The following NRG2 variants were observed in gnomAD, a reference collection of about 807,000 sequenced individuals.
NRG2 encodes the protein neuregulin 2, also known as pro-neuregulin-2, membrane-bound isoform.
Under a neutral mutation model 73.9 loss-of-function variants are expected in NRG2, and 27 were observed. The ratio of observed to expected loss-of-function variants is 0.37; its 90% CI spans 0.27 to 0.50. The LOEUF is 0.50. Among genes scored for constraint, NRG2 ranks in the 20% least tolerant of loss-of-function variants. The probability of loss-of-function intolerance (pLI) is 0.96; values close to 1 mark genes in which losing one functional copy is unlikely to be tolerated. For synonymous variants in NRG2, 532 were observed against 541.0 expected, an observed-to-expected ratio of 0.98 and a Z score of 0.23; for missense variants, 1,126 against 1,210.1, an observed-to-expected ratio of 0.93 and a Z score of 1.03.
At position 139,983,214 on chromosome 5, in the gene NRG2, C is replaced by T. The variant is rs143053528; in HGVS notation, c.700+59156G>A. On this transcript the variant is annotated intron_variant, in intron 1 of 9. Coordinates refer to ENST00000361474, the MANE Select transcript of NRG2 (RefSeq NM_004883.3). The stretch of plus-strand genomic sequence containing the variant: ...TTCCTCATTTCCACAGAGCAGGATC[C>T]AGCCTATCTGAAGATTTGGAGGAGA... 6.6e-5 allele frequency among the ~76,000 whole-genome samples: 10 copies of T among 152,298 alleles called. No homozygotes were observed. In the East Asian group the frequency reaches 1.9e-3, roughly 29 times the overall value.
At chr5:139,879,113 T>C (rs1561649019) in intron 3 of NRG2, among the ~76,000 whole-genome samples, 2 of 152,218 alleles carry the variant, frequency 1.3e-5, no homozygotes, top group African/African-American at 4.8e-5. Context: ...TTATAAAATA[T>C]ATCCTGGCTT....
intron 1 of NRG2, among the ~76,000 whole-genome samples, chr5:139,989,870 G>A (rs1459879545): frequency 3.3e-5 from 5 of 150,164 alleles, no homozygotes; most frequent in Non-Finnish European, 7.4e-5. Flanking sequence ...CTCACTGCAA[G>A]CTCCGCCTCC....
intron 1 of NRG2, among the ~76,000 whole-genome samples, chr5:140,016,742 G>A (rs546850417): frequency 3.4e-4 from 52 of 152,354 alleles, no homozygotes; most frequent in Admixed American, 1.3e-3. Context: ...AGCTGAGCTC[G>A]GAAGGGCAGA....
At chr5:139,916,465 A>G (rs537712111) in intron 1 of NRG2, among the ~76,000 whole-genome samples, 12 of 152,366 alleles carry the variant, frequency 7.9e-5, no homozygotes, top group Non-Finnish European at 8.8e-5. Context: ...GTCTATTCAC[A>G]GAACTGTGCA....
chr5:139,989,798 A>AT (rs968752459), intron 1 of NRG2, among the ~76,000 whole-genome samples: 10 of 146,316 alleles, frequency 6.8e-5, no homozygotes, highest in South Asian at 2.1e-4. Flanking sequence ...TTATTTTTTT[A>AT]TTTTTTTTTG....
chr5:139,949,394 A>C (rs1333499558), intron 1 of NRG2, among the ~76,000 whole-genome samples: 2 of 152,214 alleles, frequency 1.3e-5, no homozygotes, highest in East Asian at 1.9e-4. Flanking sequence ...ATTTTTACTG[A>C]AGAACAGATG....
intron 1 of NRG2, among the ~76,000 whole-genome samples, chr5:139,896,487 A>ATGTGGTCCT (rs775409554): frequency 2.6e-5 from 4 of 152,142 alleles, no homozygotes; most frequent in Non-Finnish European, 5.9e-5. Flanking sequence ...GAGGGCTGAA[A>ATGTGGTCCT]TGTGGTCCTT....
chr5:139,918,785 G>A (rs1751452733), intron 1 of NRG2, among the ~76,000 whole-genome samples: 1 of 152,134 alleles, frequency 6.6e-6, no homozygotes, highest in African/African-American at 2.4e-5. Context: ...TCACTGCTGA[G>A]GGATATCAAT....
rs1005598899 is a variant in NRG2 at position 139,894,003 on chromosome 5, C to T, written c.701-6492G>A. On this transcript the variant is annotated intron_variant, in intron 1 of 9. Coordinates refer to ENST00000361474, the MANE Select transcript of NRG2 (RefSeq NM_004883.3). The surrounding 1 kb of genome is among the most constrained non-coding windows in gnomAD (Gnocchi z 5.0). ...CCAGGAAGCTCCTCATTAAAGATAG[C>T]GACAACAGCAACAACAACCAGGACT... is the stretch of plus-strand genomic sequence containing the variant. Among the ~76,000 whole-genome samples, 6 of 152,166 alleles carry T rather than the reference C, an allele frequency of 3.9e-5. No individual in the cohort carries two copies. Among genetic ancestry groups the T allele is most frequent in the African/African-American group, 9.7e-5 (4 of 41,444 alleles).
In NRG2 at chr5:139,939,244, CT is replaced by C. The variant is rs1561694668; in HGVS notation, c.701-51734del. On this transcript the variant is annotated intron_variant, in intron 1 of 9. Coordinates refer to ENST00000361474, the MANE Select transcript of NRG2 (RefSeq NM_004883.3). ...CCTTCCTTCCTTCCTTCCTTCCTTCCTTTCTTTCTTTCTTTCTTTTTCTTTC... is the reference window on the plus strand; with the variant it reads ...CCTTCCTTCCTTCCTTCCTTCCTTCCTTCTTTCTTTCTTTCTTTTTCTTTC... 2.7e-3 allele frequency among the ~76,000 whole-genome samples: 365 copies of C among 135,738 alleles called. 2 individuals are homozygous for C. The highest frequency in any genetic ancestry group is 0.01 in the African/African-American group (322 of 31,314). 89.0% of individuals were successfully genotyped at this position (135,738 alleles called of 152,430 possible). A position where few individuals can be genotyped will look rare whatever the true frequency, so the allele number is the denominator to read the frequency against.
chr5:140,031,412 A>G (rs1267089080), intron 1 of NRG2, among the ~76,000 whole-genome samples: 1 of 152,204 alleles, frequency 6.6e-6, no homozygotes, highest in Non-Finnish European at 1.5e-5. Context: ...CTCTTCACTT[A>G]TGGGCCTTGG....
chr5:139,932,075 C>A (rs1752502560), intron 1 of NRG2, among the ~76,000 whole-genome samples: 2 of 152,250 alleles, frequency 1.3e-5, no homozygotes, highest in African/African-American at 4.8e-5. Context: ...CCCAGAAATC[C>A]CCCTTTTCGG....
chr5:139,889,024 TTAA>T (rs1444919804), intron 1 of NRG2, among the ~76,000 whole-genome samples: 2 of 152,188 alleles, frequency 1.3e-5, no homozygotes, highest in Non-Finnish European at 2.9e-5. Flanking sequence ...GTGTTAAATA[TTAA>T]TAATAGCATT....
intron 6 of NRG2, among the ~76,000 whole-genome samples, chr5:139,854,177 T>A (rs1761665630): frequency 6.6e-6 from 1 of 152,252 alleles, no homozygotes; most frequent in South Asian, 2.1e-4. Context: ...CCCAGCTAGC[T>A]GCCTCCATGG....
At chr5:140,007,713 A>G (rs1403015638) in intron 1 of NRG2, among the ~76,000 whole-genome samples, 1 of 151,924 alleles carries the variant, frequency 6.6e-6, no homozygotes, top group Non-Finnish European at 1.5e-5. Flanking sequence ...GCTTTTGGAA[A>G]CTCTCTTCCA....
chr5:139,962,374 T>C (rs886869721), intron 1 of NRG2, among the ~76,000 whole-genome samples: 6 of 152,128 alleles, frequency 3.9e-5, no homozygotes, highest in African/African-American at 1.4e-4. Context: ...CCAGCTTGGC[T>C]CAAAACTATC....
At chr5:139,907,922 T>C (rs1765339939) in intron 1 of NRG2, among the ~76,000 whole-genome samples, 1 of 152,250 alleles carries the variant, frequency 6.6e-6, no homozygotes, top group Non-Finnish European at 1.5e-5. Flanking sequence ...ACGGGACACG[T>C]ACTATCTGCC....
rs535797873 is a variant in NRG2, at chr5:139,868,592, C to T, written c.1113-2967G>A. On this transcript the variant is annotated intron_variant, in intron 4 of 9. Coordinates refer to ENST00000361474, the MANE Select transcript of NRG2 (RefSeq NM_004883.3). The surrounding 1 kb of genome is among the most constrained non-coding windows in gnomAD (Gnocchi z 4.2). ...AGAGAGGGGCAGAGAGGAGAGCCCA[C>T]GGGCTGCATCTGGGGTGACAGAGAG... 6.6e-5 allele frequency among the ~76,000 whole-genome samples: 10 copies of T among 152,118 alleles called. No individual in the cohort carries two copies. The East Asian group carries it at 1.5e-3, about 24-fold the overall frequency.
chr5:139,859,601 C>T (rs1311383109), intron 5 of NRG2, among the ~76,000 whole-genome samples: 1 of 152,138 alleles, frequency 6.6e-6, no homozygotes. Flanking sequence ...AGGGGGCCCT[C>T]CCCTCTGAGC....
Sources: gnomAD v4.1 joint callset for allele counts (sites outside exome capture counted in the v4.1 genomes callset) on GRCh38, gnomAD v4.1.1 for gene constraint, Gnocchi (gnomAD v3.1) non-coding constraint, MANE v1.5 for transcripts, NCBI Gene and HGNC (gene_info 2026-07-23, HGNC 2026-07-21) for gene names.